The following SPAG16 variants were observed in gnomAD, a reference collection of about 807,000 sequenced individuals.
The protein encoded by SPAG16 is sperm-associated antigen 16 protein.
Under a neutral mutation model 80.4 loss-of-function variants are expected in SPAG16, and 86 were observed. The observed-to-expected ratio is 1.07, with a 90% CI of 0.90 to 1.28. The LOEUF (loss-of-function observed/expected upper bound fraction) is 1.28. Among genes scored for constraint, SPAG16 ranks in the 50% most tolerant of loss-of-function variants. SPAG16 has a pLI of 0.00. For missense variants in SPAG16, 870 were observed against 765.3 expected, an observed-to-expected ratio of 1.14 and a Z score of -1.61; for synonymous variants, 294 against 265.9, an observed-to-expected ratio of 1.11 and a Z score of -1.03.
chr2:213,855,220 T>G (rs1481718332), intron 10 of SPAG16, among the ~76,000 whole-genome samples: 1 of 152,204 alleles, frequency 6.6e-6, no homozygotes, highest in Non-Finnish European at 1.5e-5. Context: ...TCAAAATGCA[T>G]CTGAATAAGT....
chr2:213,429,091 CAAAA>C (rs10710536), intron 9 of SPAG16, among the ~76,000 whole-genome samples: 3 of 129,052 alleles, frequency 2.3e-5, no homozygotes, highest in African/African-American at 5.5e-5. Context: ...GACTCCATCT[CAAAA>C]AAAAAAAAAA....
chr2:213,393,041 T>C (rs2067845386), intron 9 of SPAG16, among the ~76,000 whole-genome samples: 1 of 152,142 alleles, frequency 6.6e-6, no homozygotes, highest in African/African-American at 2.4e-5. Flanking sequence ...ATTATTACAC[T>C]AAATATATTC....
At chr2:214,028,517 C>T (rs1221700740) in intron 13 of SPAG16, among the ~76,000 whole-genome samples, 1 of 151,988 alleles carries the variant, frequency 6.6e-6, no homozygotes, top group Non-Finnish European at 1.5e-5. Flanking sequence ...GCTTTAGTCT[C>T]TGGTTGTATC....
chr2:214,319,698 G>A (rs1695966548), intron 15 of SPAG16, among the ~76,000 whole-genome samples: 2 of 152,020 alleles, frequency 1.3e-5, no homozygotes, highest in South Asian at 4.2e-4. Context: ...GAAAAAGATG[G>A]CATTCTTCTC....
At chr2:213,326,492 A>G (rs2063846761) in intron 5 of SPAG16, among the ~76,000 whole-genome samples, 1 of 152,018 alleles carries the variant, frequency 6.6e-6, no homozygotes, top group Admixed American at 6.6e-5. Context: ...CTGGACGTGA[A>G]TATACCCCTT....
At chr2:213,933,550 C>G (rs996549794) in intron 12 of SPAG16, among the ~76,000 whole-genome samples, 2 of 152,098 alleles carry the variant, frequency 1.3e-5, no homozygotes, top group African/African-American at 2.4e-5. Flanking sequence ...GCTTGTAGCT[C>G]GAAGGAGAAG....
At chr2:213,950,636 TCCTCCCTCTCTCCTTCCCTCCCTC>T (rs939803188) in intron 12 of SPAG16, among the ~76,000 whole-genome samples, 1 of 151,502 alleles carries the variant, frequency 6.6e-6, no homozygotes, top group Non-Finnish European at 1.5e-5. Flanking sequence ...CTTCCTTGCT[TCCTCCCTCTCTCCTTCCCTCCCTC>T]CCTCCCTCCC....
At chr2:214,028,033 C>T (rs557785615) in intron 13 of SPAG16, among the ~76,000 whole-genome samples, 11 of 151,962 alleles carry the variant, frequency 7.2e-5, no homozygotes, top group African/African-American at 2.6e-4. Flanking sequence ...TAACTGTTTT[C>T]TGGAACTTTT....
At chr2:214,062,020 C>CACACACACAG (rs1553706944) in intron 13 of SPAG16, among the ~76,000 whole-genome samples, 1 of 146,562 alleles carries the variant, frequency 6.8e-6, no homozygotes, top group African/African-American at 2.5e-5. Flanking sequence ...CACACACACA[C>CACACACACAG]GCAGTGTGTA....
chr2:214,163,178 A>T (rs1334894892), intron 15 of SPAG16, among the ~76,000 whole-genome samples: 3 of 151,968 alleles, frequency 2.0e-5, no homozygotes, highest in Non-Finnish European at 4.4e-5. Flanking sequence ...ATGAATAATC[A>T]TTATACATTC....
chr2:213,674,013 TG>T (rs2125231484), intron 10 of SPAG16, among the ~76,000 whole-genome samples: 1 of 152,256 alleles, frequency 6.6e-6, no homozygotes, highest in African/African-American at 2.4e-5. Context: ...TTCATTATTT[TG>T]GTGCTGTTTA....
At chr2:213,590,518 T>C (rs2060648523) in intron 10 of SPAG16, among the ~76,000 whole-genome samples, 1 of 150,628 alleles carries the variant, frequency 6.6e-6, no homozygotes, top group African/African-American at 2.4e-5. Context: ...CAAAAGAAGA[T>C]GTATAACCAG....
chr2:213,342,442 A>C (rs2064750313), intron 6 of SPAG16, among the ~76,000 whole-genome samples: 1 of 149,980 alleles, frequency 6.7e-6, no homozygotes, highest in Admixed American at 6.7e-5. Flanking sequence ...ATACTACCTA[A>C]ATTTTTATTT....
chr2:213,619,693 A>G (rs1171262198), intron 10 of SPAG16, among the ~76,000 whole-genome samples: 1 of 152,160 alleles, frequency 6.6e-6, no homozygotes, highest in Non-Finnish European at 1.5e-5. Context: ...AGAAGAGGCA[A>G]CTCTTGTACA....
chr2:213,854,334 G>A (rs1422289979), intron 10 of SPAG16, among the ~76,000 whole-genome samples: 2 of 152,274 alleles, frequency 1.3e-5, no homozygotes, highest in East Asian at 3.9e-4. Context: ...TTGAATAATA[G>A]TAATAATAGT....
At chr2:213,747,125 T>G (rs983522029) in intron 10 of SPAG16, among the ~76,000 whole-genome samples, 1 of 152,212 alleles carries the variant, frequency 6.6e-6, no homozygotes, top group Non-Finnish European at 1.5e-5. Context: ...TGTGTAGGCC[T>G]AGGCTAAGTA....
chr2:214,200,727 T>TA (rs760327763), intron 15 of SPAG16, among the ~76,000 whole-genome samples: 1 of 152,182 alleles, frequency 6.6e-6, no homozygotes, highest in Non-Finnish European at 1.5e-5. Context: ...TGTAATCTGA[T>TA]AAAAATTCAA....
At chr2:213,617,648 A>AT (rs1193807904) in intron 10 of SPAG16, among the ~76,000 whole-genome samples, 32 of 150,758 alleles carry the variant, frequency 2.1e-4, no homozygotes, top group South Asian at 8.4e-4. Flanking sequence ...GCCCAAAATA[A>AT]TTTTTTTTTT....
intron 10 of SPAG16, among the ~76,000 whole-genome samples, chr2:213,528,628 C>G (rs755468942): frequency 5.3e-5 from 8 of 152,020 alleles, no homozygotes; most frequent in Non-Finnish European, 8.8e-5. Flanking sequence ...AGCCTCACTC[C>G]CCTCTTTGAC....
Sources: gnomAD v4.1 joint callset for allele counts (sites outside exome capture counted in the v4.1 genomes callset) on GRCh38, gnomAD v4.1.1 for gene constraint, MANE v1.5 for transcripts, NCBI Gene and HGNC (gene_info 2026-07-23, HGNC 2026-07-21) for gene names.